The following TACC2 variants were observed in gnomAD, a reference collection of about 807,000 sequenced individuals.
The protein encoded by TACC2 is transforming acidic coiled-coil-containing protein 2.
A neutral mutation model predicts 227.3 loss-of-function variants in TACC2; 137 were observed. That is an observed-to-expected ratio of 0.60 (90% CI 0.52 to 0.69). TACC2 has a LOEUF of 0.69. TACC2 is among the 30% of genes least tolerant of loss of function. The pLI is 0.00. For missense variants in TACC2, 3,470 were observed against 3,694.4 expected, an observed-to-expected ratio of 0.94 and a Z score of 1.57; for synonymous variants, 1,523 against 1,487.5, an observed-to-expected ratio of 1.02 and a Z score of -0.55.
At chr10:122,176,101 CTCTCTCTCTCTCTCTCTA>C (rs1281823097) in intron 7 of TACC2, among the ~76,000 whole-genome samples, 154 of 84,096 alleles carry the variant, frequency 1.8e-3, no homozygotes, top group African/African-American at 7.4e-3. Context: ...CTCTCTCTCT[CTCTCTCTCTCTCTCTCTA>C]TATATATATA....
At chr10:122,028,237 A>T (rs1591227808) in intron 2 of TACC2, among the ~76,000 whole-genome samples, 2 of 151,360 alleles carry the variant, frequency 1.3e-5, no homozygotes, top group Admixed American at 1.3e-4. Context: ...TTACAGGTGC[A>T]TGCCACCATG....
At chr10:122,005,524 A>G (rs1954981087) in intron 1 of TACC2, among the ~76,000 whole-genome samples, 1 of 146,974 alleles carries the variant, frequency 6.8e-6, no homozygotes, top group Non-Finnish European at 1.5e-5. Context: ...AGCTGGGACT[A>G]CAGGCGCTCA....
In TACC2 at chr10:122,254,081, A is replaced by T. The variant is rs547512577; in HGVS notation, c.*25A>T. The T allele has an allele frequency of 1.2e-6, 2 of 1,605,622 alleles. No homozygotes were observed. The highest frequency in any genetic ancestry group is 2.7e-5 in the African/African-American group (2 of 74,916). On this transcript the variant is annotated 3_prime_UTR_variant, in exon 23 of 23. Coordinates refer to ENST00000369005, the MANE Select transcript of TACC2 (RefSeq NM_206862.4). ...ACTCTGAACCGAATGTTTTGGACTT[A>T]ACTGTTGCGTGCAATATGACCGTCG...
At chr10:122,124,619 G>T (rs540294816) in intron 5 of TACC2, among the ~76,000 whole-genome samples, 1 of 152,194 alleles carries the variant, frequency 6.6e-6, no homozygotes. Context: ...GGCATATCAC[G>T]CTGTGTCCTC....
chr10:121,997,483 C>A (rs1953680153), intron 1 of TACC2, among the ~76,000 whole-genome samples: 1 of 152,152 alleles, frequency 6.6e-6, no homozygotes, highest in South Asian at 2.1e-4. Flanking sequence ...CCCACATAAG[C>A]CAGAATCTAC....
At chr10:122,021,749 C>T (rs181197497) in intron 1 of TACC2, among the ~76,000 whole-genome samples, 188 bp from the exon 2 acceptor site, 16 of 152,210 alleles carry the variant, frequency 1.1e-4, no homozygotes, top group Non-Finnish European at 1.8e-4. Flanking sequence ...AACACCAGCC[C>T]GTATTGGGAA....
intron 7 of TACC2, among the ~76,000 whole-genome samples, chr10:122,149,232 C>G (rs77924505): frequency 0.038 from 5,750 of 152,274 alleles, 294 homozygotes; most frequent in African/African-American, 0.12. Context: ...CATCTCTGTT[C>G]AGAGTTGGCC....
At chr10:122,001,531 A>G (rs550871759) in intron 1 of TACC2, among the ~76,000 whole-genome samples, 1 of 152,340 alleles carries the variant, frequency 6.6e-6, no homozygotes, top group South Asian at 2.1e-4. Flanking sequence ...TTGGGTGGCA[A>G]CAAAGCCACA....
chr10:122,203,073 A>C lies in TACC2; in HGVS notation c.5972-7324A>C, dbSNP rs1593285892. 2.6e-5 allele frequency among the ~76,000 whole-genome samples: 4 copies of C among 152,310 alleles called. No individual in the cohort carries two copies. The South Asian group carries it at 8.3e-4, about 32-fold the overall frequency. On this transcript the variant is annotated intron_variant, in intron 8 of 22. Transcript: ENST00000369005. ...CATGTCTACCTCTTTCTACACAGAC[A>C]TGGCAACCATCCGATTTCTCAATCT... is the stretch of plus-strand genomic sequence containing the variant.
chr10:122,200,684 C>T (rs1202602453), intron 8 of TACC2, among the ~76,000 whole-genome samples: 1 of 144,820 alleles, frequency 6.9e-6, no homozygotes, highest in Non-Finnish European at 1.5e-5. Context: ...CCTCACCTGC[C>T]CACAGTGGCC....
intron 5 of TACC2, among the ~76,000 whole-genome samples, chr10:122,124,397 G>A (rs768106018): frequency 6.6e-6 from 1 of 152,122 alleles, no homozygotes; most frequent in Non-Finnish European, 1.5e-5. Flanking sequence ...TGCATTTCTT[G>A]CCCCCTCCAA....
At chr10:122,203,596 G>A (rs575318547) in intron 8 of TACC2, among the ~76,000 whole-genome samples, 3,473 of 151,144 alleles carry the variant, frequency 0.023, 134 homozygotes, top group African/African-American at 0.08. Flanking sequence ...CATCTCAGAA[G>A]ATGGGCGGCC....
At chr10:122,054,330 C>A (rs2076011638) in intron 3 of TACC2, among the ~76,000 whole-genome samples, 1 of 152,170 alleles carries the variant, frequency 6.6e-6, no homozygotes, top group South Asian at 2.1e-4. Flanking sequence ...GGAGAATGAT[C>A]CTAGCCTCCT....
In TACC2 at chr10:122,209,037, C is replaced by A. The variant is rs1453977501; in HGVS notation, c.5972-1360C>A. ...CCCCATGGGCAGTAGGGTGGTGGCACCTTTGAGCATCATTTGGCCAACATT... is the reference window on the plus strand; with the variant it reads ...CCCCATGGGCAGTAGGGTGGTGGCAACTTTGAGCATCATTTGGCCAACATT... On this transcript the variant is annotated intron_variant, in intron 8 of 22. Transcript: ENST00000369005. This position sits in a 1 kb window ranked among gnomAD's most constrained non-coding sequence, Gnocchi z 4.5. 2.6e-5 allele frequency among the ~76,000 whole-genome samples: 4 copies of A among 152,174 alleles called. No individual in the cohort carries two copies. Among genetic ancestry groups the A allele is most frequent in the African/African-American group, 9.7e-5 (4 of 41,424 alleles).
At position 122,012,418 on chromosome 10, in the gene TACC2, C is replaced by CAAAAAAAAAAAAAAAAA. The variant is rs752342348; in HGVS notation, c.-45-9514_-45-9498dup. 6.6e-3 allele frequency among the ~76,000 whole-genome samples: 398 copies of CAAAAAAAAAAAAAAAAA among 60,694 alleles called. 21 individuals are homozygous for CAAAAAAAAAAAAAAAAA. Among genetic ancestry groups the CAAAAAAAAAAAAAAAAA allele is most frequent in the East Asian group, 0.017 (28 of 1,680 alleles). 39.8% of individuals were successfully genotyped at this position (60,694 alleles called of 152,430 possible). On this transcript the variant is annotated intron_variant, in intron 1 of 22. Transcript: ENST00000369005. ...CTGGTGCCAGAGCAAGACTCCGTCT[C>CAAAAAAAAAAAAAAAAA]AAAAAAAAAAAAAAAAAAAAAGATG...
chr10:122,023,482 C>G (rs936603975), intron 2 of TACC2: 2 of 151,882 alleles, frequency 1.3e-5, no homozygotes, highest in African/African-American at 4.8e-5. Context: ...AGGATGAGTT[C>G]ACATCCTTTG....
chr10:121,991,855 G>C (rs1953039257), intron 1 of TACC2, among the ~76,000 whole-genome samples: 1 of 152,212 alleles, frequency 6.6e-6, no homozygotes, highest in African/African-American at 2.4e-5. Context: ...ACAGTTCCGT[G>C]TGGCTGGGGA....
At chr10:122,130,600 C>T (rs1022515101) in intron 5 of TACC2, among the ~76,000 whole-genome samples, 3 of 152,144 alleles carry the variant, frequency 2.0e-5, no homozygotes, top group African/African-American at 7.2e-5. Flanking sequence ...CTTCCTCTTC[C>T]ACCTGTGGGA....
chr10:122,126,059 G>A (rs1343985254), intron 5 of TACC2, among the ~76,000 whole-genome samples: 2 of 151,726 alleles, frequency 1.3e-5, no homozygotes, highest in Non-Finnish European at 2.9e-5. Flanking sequence ...TTACAGGCGT[G>A]AGCCACCATG....
Sources: allele counts gnomAD v4.1 joint callset (sites outside exome capture counted in the v4.1 genomes callset), GRCh38; gene constraint gnomAD v4.1.1; non-coding constraint Gnocchi (gnomAD v3.1); transcripts MANE v1.5; gene names NCBI Gene and HGNC (gene_info 2026-07-23, HGNC 2026-07-21).